Variants in DYTN observed in about 807,000 individuals in gnomAD.
DYTN encodes dystrotelin.
A neutral mutation model predicts 69.6 loss-of-function variants in DYTN; 75 were observed. That is an observed-to-expected ratio of 1.08 (90% CI 0.89 to 1.31). DYTN has a LOEUF of 1.31. DYTN is among the 50% of genes most tolerant of loss of function. The probability of loss-of-function intolerance (pLI) is 0.00; values close to 1 mark genes in which losing one functional copy is unlikely to be tolerated. For missense variants in DYTN, 726 were observed against 688.4 expected (o/e 1.05, Z -0.61); for synonymous variants, 252 against 249.1 (o/e 1.01, Z -0.11).
intron 9 of DYTN, among the ~76,000 whole-genome samples, chr2:206,676,260 G>A (rs557824855): frequency 5.6e-4 from 86 of 152,270 alleles, no homozygotes; most frequent in South Asian, 2.9e-3. Context: ...AAAAAAGAAT[G>A]AGTTCATGTC....
chr2:206,671,547 G>T (rs1699629931), intron 9 of DYTN, among the ~76,000 whole-genome samples: 1 of 152,118 alleles, frequency 6.6e-6, no homozygotes, highest in African/African-American at 2.4e-5. Flanking sequence ...GAATATCATG[G>T]CTTTGTAAAA....
intron 7 of DYTN, among the ~76,000 whole-genome samples, chr2:206,697,123 C>A (rs1052468273): frequency 6.6e-6 from 1 of 152,176 alleles, no homozygotes; most frequent in Admixed American, 6.5e-5. Flanking sequence ...CTTTATCAAG[C>A]ATTAACTGGA....
Position 206,692,435 on chromosome 2 carries a change from G to A in DYTN, c.980+740C>T, listed in dbSNP as rs554378263. ...AAGTGGCAGGCTGTGCCCCTCTGGA[G>A]CACAATTTGGCATTCTGAATTTCGA... On this transcript the variant is annotated intron_variant, in intron 9 of 11. Transcript: ENST00000452335. Among the ~76,000 whole-genome samples, 305 of 152,222 alleles carry A rather than the reference G, an allele frequency of 2.0e-3. 1 individual carries two copies. The highest frequency in any genetic ancestry group is 3.6e-3 in the Non-Finnish European group (243 of 68,006).
chr2:206,690,356 G>T lies in DYTN; in HGVS notation c.980+2819C>A, dbSNP rs1385675622. 2.6e-5 allele frequency among the ~76,000 whole-genome samples: 4 copies of T among 152,344 alleles called. No homozygotes were observed. The East Asian group carries it at 7.7e-4, about 29-fold the overall frequency. On this transcript the variant is annotated intron_variant, in intron 9 of 11. Coordinates refer to ENST00000452335, the MANE Select transcript of DYTN (RefSeq NM_001093730.1). ...CAGTGGAGGACCAAGAGCTGGTGGG[G>T]AACAGGGTTTATAGGGCCAGGCTAA...
At chr2:206,664,311 C>A (rs1002299855) in intron 10 of DYTN, among the ~76,000 whole-genome samples, 1 of 152,056 alleles carries the variant, frequency 6.6e-6, no homozygotes, top group African/African-American at 2.4e-5. Context: ...CAAAAATGAA[C>A]AAAGCGAGAA....
chr2:206,707,116 T>C (rs1337172043), intron 3 of DYTN, among the ~76,000 whole-genome samples, 186 bp downstream of exon 3: 4 of 152,204 alleles, frequency 2.6e-5, no homozygotes, highest in African/African-American at 9.7e-5. Flanking sequence ...GGGTCATTTA[T>C]ATTCCTAAAG....
At chr2:206,669,937 G>A (rs1699612217) in intron 9 of DYTN, among the ~76,000 whole-genome samples, 1 of 152,124 alleles carries the variant, frequency 6.6e-6, no homozygotes, top group South Asian at 2.1e-4. Context: ...ACATGTACTG[G>A]ATATTAAGTA....
rs888619923 is a variant in DYTN at position 206,651,677 on chromosome 2, G to T, written c.*141C>A. ...AGAACTAAGATACATAAGTAGGGAG[G>T]GAGATCAAAAAACAAAACCTGTTTT... On this transcript the variant is annotated 3_prime_UTR_variant, in exon 12 of 12. Transcript: ENST00000452335. The T allele has an allele frequency of 1.4e-6, 1 of 693,226 alleles. No homozygotes were observed. Among genetic ancestry groups the T allele is most frequent in the Admixed American group, 2.8e-5 (1 of 35,522 alleles). The allele number at this position is 693,226 out of a possible 1,614,324, so 42.9% of individuals were successfully genotyped here.
intron 9 of DYTN, among the ~76,000 whole-genome samples, chr2:206,680,380 G>A (rs1398806724): frequency 6.6e-6 from 1 of 152,110 alleles, no homozygotes; most frequent in Non-Finnish European, 1.5e-5. Context: ...AATTCAGGAT[G>A]GGATTTGGGT....
At chr2:206,705,253 C>T (rs1276378256) in intron 4 of DYTN, among the ~76,000 whole-genome samples, 1 of 152,214 alleles carries the variant, frequency 6.6e-6, no homozygotes, top group Non-Finnish European at 1.5e-5. Context: ...TGTGCCACCA[C>T]ACCCGGCTAA....
intron 3 of DYTN, among the ~76,000 whole-genome samples, chr2:206,706,497 A>T (rs994781922): frequency 1.2e-4 from 8 of 69,254 alleles, no homozygotes; most frequent in Admixed American, 1.1e-3. Context: ...AAAAAAATTA[A>T]AAAAAAAAAA....
intron 9 of DYTN, among the ~76,000 whole-genome samples, chr2:206,682,912 A>G (rs1415402949): frequency 1.3e-5 from 2 of 152,160 alleles, no homozygotes; most frequent in African/African-American, 4.8e-5. Context: ...AGACACATAG[A>G]TCTAAGGATG....
chr2:206,669,646 C>A (rs1233504056), intron 9 of DYTN, among the ~76,000 whole-genome samples: 1 of 152,072 alleles, frequency 6.6e-6, no homozygotes, highest in Non-Finnish European at 1.5e-5. Context: ...GTTAAAAAAA[C>A]TAAATTTTAA....
chr2:206,687,716 G>C (rs1699827502), intron 9 of DYTN, among the ~76,000 whole-genome samples: 1 of 151,982 alleles, frequency 6.6e-6, no homozygotes, highest in Admixed American at 6.6e-5. Context: ...TTTCCTTTCA[G>C]ATGGATAGCC....
chr2:206,670,393 T>A lies in DYTN; in HGVS notation c.981-4364A>T, dbSNP rs542617891. On this transcript the variant is annotated intron_variant, in intron 9 of 11. Transcript: ENST00000452335. ...AATTTTCTCCCAAATTAAAAAAAAA[T>A]GGTAAAATTTTTGTAGAAAATTTTT... is the stretch of plus-strand genomic sequence containing the variant. 815 of 152,104 alleles carry A rather than the reference T, an allele frequency of 5.4e-3. 8 individuals carry two copies. The highest frequency in any genetic ancestry group is 0.019 in the African/African-American group (780 of 41,500). 9.4% of individuals were successfully genotyped at this position (152,104 alleles called of 1,614,324 possible).
chr2:206,684,376 C>G (rs535646556), intron 9 of DYTN, among the ~76,000 whole-genome samples: 2 of 152,134 alleles, frequency 1.3e-5, no homozygotes, highest in Non-Finnish European at 2.9e-5. Context: ...ACTATCATGG[C>G]TCACTGCAGC....
chr2:206,692,843 C>T (rs989267315), intron 9 of DYTN, among the ~76,000 whole-genome samples: 2 of 151,260 alleles, frequency 1.3e-5, no homozygotes, highest in Non-Finnish European at 2.9e-5. Context: ...TCTGAATTAG[C>T]CTTCCAAAAG....
intron 10 of DYTN, 69 bp downstream of exon 10, chr2:206,665,801 C>A: frequency 6.4e-7 from 1 of 1,559,908 alleles, no homozygotes. Flanking sequence ...GAAGCTCCTC[C>A]CTTGGCTGAA....
chr2:206,710,707 G>T, intron 1 of DYTN, 109 bp from the exon 2 acceptor site: 1 of 872,674 alleles, frequency 1.1e-6, no homozygotes, highest in Admixed American at 3.3e-5. Context: ...TTTTGCAGGT[G>T]AGGAAATTAA....
Sources: gnomAD v4.1 joint callset for allele counts (sites outside exome capture counted in the v4.1 genomes callset) on GRCh38, gnomAD v4.1.1 for gene constraint, MANE v1.5 for transcripts, NCBI Gene and HGNC (gene_info 2026-07-23, HGNC 2026-07-21) for gene names.